Variants in HDAC9 observed in about 807,000 individuals in gnomAD.
HDAC9 encodes the protein histone deacetylase 9, also known as MEF-2 interacting transcription repressor (MITR) protein.
HDAC9 carries 41 observed loss-of-function variants against 139.4 expected under a neutral mutation model. That is an observed-to-expected ratio of 0.29 (90% CI 0.23 to 0.38). The LOEUF is 0.38. Ranked by LOEUF, HDAC9 falls within the 10% of genes least tolerant of loss-of-function variation. The pLI is 1.00. For missense variants in HDAC9, 1,147 were observed against 1,297.0 expected, an observed-to-expected ratio of 0.88 and a Z score of 1.78; for synonymous variants, 517 against 476.2, an observed-to-expected ratio of 1.09 and a Z score of -1.12.
chr7:18,315,561 C>G lies in HDAC9; in HGVS notation c.-42+25046C>G, dbSNP rs1417234903. On this transcript the variant is annotated intron_variant, in intron 1 of 3. Transcript: ENST00000413509. ...CCAATTTGCACTAGGAAAATACAGG[C>G]TTTAGGCTAGGATCAGAGACTTGAA... Among the ~76,000 whole-genome samples, 5 of 152,176 alleles carry G rather than the reference C, an allele frequency of 3.3e-5. No individual in the cohort carries two copies. In the East Asian group the frequency reaches 9.6e-4, roughly 29 times the overall value.
intron 2 of HDAC9, among the ~76,000 whole-genome samples, chr7:18,232,098 G>A (rs1562774259): frequency 6.6e-6 from 1 of 152,122 alleles, no homozygotes; most frequent in Non-Finnish European, 1.5e-5. Context: ...TATAAAATAA[G>A]CACACTTTCA....
chr7:18,437,626 A>G (rs1257331356), intron 1 of HDAC9, among the ~76,000 whole-genome samples: 2 of 151,268 alleles, frequency 1.3e-5, no homozygotes, highest in Non-Finnish European at 2.9e-5. Flanking sequence ...ATCATACCAC[A>G]GTACACGCAC....
Position 18,951,428 on chromosome 7 carries a change from C to T in HDAC9, c.2938-2718C>T, listed in dbSNP as rs575845932. The stretch of plus-strand genomic sequence containing the variant: ...TAAGCTGGATGAGAGCTTTAAGTGT[C>T]AAGAGGTTGTGTTAAAATTATCTAG... On this transcript the variant is annotated intron_variant, in intron 23 of 25. Coordinates refer to ENST00000686413, the MANE Select transcript of HDAC9 (RefSeq NM_178425.4). 7.9e-5 allele frequency among the ~76,000 whole-genome samples: 12 copies of T among 151,882 alleles called. No homozygotes were observed. The East Asian group carries it at 2.1e-3, about 27-fold the overall frequency.
chr7:18,165,328 G>A (rs1308055606), intron 2 of HDAC9, among the ~76,000 whole-genome samples: 1 of 152,104 alleles, frequency 6.6e-6, no homozygotes, highest in Non-Finnish European at 1.5e-5. Context: ...CTATGACTTG[G>A]CAAAGTGTAG....
intron 22 of HDAC9, among the ~76,000 whole-genome samples, chr7:18,890,926 C>G (rs1164828379): frequency 6.6e-6 from 1 of 152,162 alleles, no homozygotes; most frequent in African/African-American, 2.4e-5. Flanking sequence ...GTAGTGTACT[C>G]AGGATTTAAT....
intron 6 of HDAC9, 99 bp downstream of exon 6, chr7:18,594,128 T>C (rs1033683933): frequency 3.6e-5 from 46 of 1,267,318 alleles, no homozygotes; most frequent in Non-Finnish European, 4.9e-5. Context: ...ATTTGAGTCG[T>C]AGATAATATA....
intron 13 of HDAC9, among the ~76,000 whole-genome samples, chr7:18,744,360 C>T (rs917454281): frequency 6.6e-6 from 1 of 152,122 alleles, no homozygotes; most frequent in African/African-American, 2.4e-5. Context: ...AGTGAGCATT[C>T]AATAACTGTC....
chr7:18,256,684 A>G (rs1795265895), intron 2 of HDAC9, among the ~76,000 whole-genome samples: 1 of 152,246 alleles, frequency 6.6e-6, no homozygotes, highest in South Asian at 2.1e-4. Context: ...TGGAATGTTT[A>G]GGAACTGTGG....
intron 6 of HDAC9, among the ~76,000 whole-genome samples, chr7:18,594,951 T>C (rs1832061610): frequency 6.6e-6 from 1 of 152,084 alleles, no homozygotes; most frequent in South Asian, 2.1e-4. Flanking sequence ...TTGTTTTATA[T>C]ATGAAATCTG....
At chr7:18,687,931 CT>C (rs2129095246) in intron 12 of HDAC9, among the ~76,000 whole-genome samples, 1 of 151,792 alleles carries the variant, frequency 6.6e-6, no homozygotes, top group East Asian at 1.9e-4. Flanking sequence ...GGCTAGATAA[CT>C]TTTTACTTTA....
intron 1 of HDAC9, among the ~76,000 whole-genome samples, chr7:18,420,459 C>A (rs914713788): frequency 6.6e-6 from 1 of 152,142 alleles, no homozygotes; most frequent in Admixed American, 6.6e-5. Flanking sequence ...AACAGAGTTC[C>A]TGTTCTCTTT....
At position 18,214,823 on chromosome 7, in the gene HDAC9, G is replaced by T. The variant is rs1178382; in HGVS notation, c.25+52474G>T. ...GTAGCAGGAAATAAAGCAAAGCATT[G>T]TTTATAAAAAGACCTCTTTGTTATG... On this transcript the variant is annotated intron_variant, in intron 2 of 12. Coordinates refer to the HDAC9 transcript ENST00000417496. Among the ~76,000 whole-genome samples the T allele has an allele frequency of 5.5e-3, 834 of 152,170 alleles. 8 individuals carry two copies. Among genetic ancestry groups the T allele is most frequent in the African/African-American group, 0.019 (799 of 41,562 alleles).
rs118090325 is a variant in HDAC9 at position 18,711,520 on chromosome 7, G to A, written c.1732-16060G>A. Among the ~76,000 whole-genome samples, 1,506 of 152,222 alleles carry A rather than the reference G, an allele frequency of 9.9e-3. 13 individuals carry two copies. The highest frequency in any genetic ancestry group is 0.015 in the Non-Finnish European group (992 of 68,022). ...TCTCAGGTACTTCCGGGTCTTCCTCGAGGGAGTCTTGCACGTGTTGAGGAA... is the reference window on the plus strand; with the variant it reads ...TCTCAGGTACTTCCGGGTCTTCCTCAAGGGAGTCTTGCACGTGTTGAGGAA... On this transcript the variant is annotated intron_variant, in intron 12 of 25. Transcript: ENST00000686413.
intron 14 of HDAC9, among the ~76,000 whole-genome samples, chr7:18,760,437 A>C (rs1413288573): frequency 6.6e-6 from 1 of 152,142 alleles, no homozygotes; most frequent in African/African-American, 2.4e-5. Context: ...TTGGTTCAAG[A>C]TGTTTTCTAA....
chr7:18,209,087 C>A (rs1791751084), intron 2 of HDAC9, among the ~76,000 whole-genome samples: 2 of 152,066 alleles, frequency 1.3e-5, no homozygotes, highest in South Asian at 4.1e-4. Context: ...TTCCTGTGGG[C>A]CTTTTGGTCT....
rs534239888 is a variant in HDAC9 at position 18,956,742 on chromosome 7, GA to G, written c.3022+2513del. ...GTTCAACTTAGCTCCAACTCCAGGG[GA>G]GCTGTTTTTAGTCTAAGGCAGTCAA... On this transcript the variant is annotated intron_variant, in intron 24 of 25. Transcript: ENST00000686413. Among the ~76,000 whole-genome samples, 122 of 152,216 alleles carry G rather than the reference GA, an allele frequency of 8.0e-4. No homozygotes were observed. The Middle Eastern group carries it at 0.01, about 13-fold the overall frequency.
chr7:18,326,390 G>C (rs895296750), intron 1 of HDAC9, among the ~76,000 whole-genome samples: 18 of 152,002 alleles, frequency 1.2e-4, no homozygotes, highest in Admixed American at 1.1e-3. Flanking sequence ...TTTGAAAGAA[G>C]TAGATGTTGG....
At chr7:18,578,862 C>T (rs1190791801) in intron 2 of HDAC9, among the ~76,000 whole-genome samples, 1 of 152,216 alleles carries the variant, frequency 6.6e-6, no homozygotes, top group South Asian at 2.1e-4. Flanking sequence ...GTTAGGTTAG[C>T]AGACCAGATG....
intron 1 of HDAC9, among the ~76,000 whole-genome samples, chr7:18,109,901 A>G (rs1341123209): frequency 1.3e-5 from 2 of 152,184 alleles, no homozygotes; most frequent in Non-Finnish European, 2.9e-5. Context: ...CCCCCACATC[A>G]ATCATTGTAT....
Sources: gnomAD v4.1 joint callset for allele counts (sites outside exome capture counted in the v4.1 genomes callset) on GRCh38, gnomAD v4.1.1 for gene constraint, MANE v1.5 for transcripts, NCBI Gene and HGNC (gene_info 2026-07-23, HGNC 2026-07-21) for gene names.